Variants in MALRD1 observed in about 807,000 individuals in gnomAD.
MALRD1 encodes the protein MAM and LDL receptor class A domain containing 1.
In MALRD1, 247 loss-of-function variants were observed where a neutral mutation model predicts 242.1. The observed-to-expected ratio is 1.02, with a 90% CI of 0.92 to 1.13. The LOEUF (loss-of-function observed/expected upper bound fraction) is 1.13, where lower values mean the gene tolerates loss of function less well. Among genes scored for constraint, MALRD1 ranks in the 50% most tolerant of loss-of-function variants. The pLI is 0.00. For missense variants in MALRD1, 2,989 were observed against 2,533.1 expected, an observed-to-expected ratio of 1.18 and a Z score of -3.86; for synonymous variants, 995 against 866.6, an observed-to-expected ratio of 1.15 and a Z score of -2.60.
rs1197183267 is a variant in MALRD1 at position 19,520,488 on chromosome 10, CT to C, written c.5321-10705del. ...TTAACTTTTTAGAAATACAAGTATT[CT>C]ACTCCAAACATACAATACCATCAAA... On this transcript the variant is annotated intron_variant, in intron 31 of 39. Coordinates refer to ENST00000454679, the MANE Select transcript of MALRD1 (RefSeq NM_001142308.3). 4.6e-5 allele frequency among the ~76,000 whole-genome samples: 7 copies of C among 152,120 alleles called. 1 individual carries two copies. Among genetic ancestry groups the C allele is most frequent in the Non-Finnish European group, 1.5e-5 (1 of 68,006 alleles).
intron 29 of MALRD1, among the ~76,000 whole-genome samples, chr10:19,479,160 A>G (rs1393670559): frequency 6.6e-6 from 1 of 152,236 alleles, no homozygotes; most frequent in African/African-American, 2.4e-5. Context: ...TGATTATAAT[A>G]CAGTTTCTTC....
At chr10:19,369,871 T>C (rs1369527322) in intron 26 of MALRD1, among the ~76,000 whole-genome samples, 1 of 152,026 alleles carries the variant, frequency 6.6e-6, no homozygotes, top group Non-Finnish European at 1.5e-5. Context: ...CTATTTATTT[T>C]CTTAATTGTG....
chr10:19,376,028 AGG>A (rs1216893611), intron 26 of MALRD1, among the ~76,000 whole-genome samples: 2 of 152,142 alleles, frequency 1.3e-5, no homozygotes, highest in African/African-American at 4.8e-5. Context: ...AGGCTGAGGC[AGG>A]GGAATTGGTT....
At chr10:19,426,104 A>G (rs1307910921) in intron 28 of MALRD1, among the ~76,000 whole-genome samples, 1 of 152,196 alleles carries the variant, frequency 6.6e-6, no homozygotes, top group Non-Finnish European at 1.5e-5. Context: ...ATATGAATAT[A>G]TATCAGCAAA....
rs115207628 is a variant in MALRD1 at position 19,331,279 on chromosome 10, A to T, written c.3688-90A>T. 8,788 of 1,069,432 alleles carry T rather than the reference A, an allele frequency of 8.2e-3. 212 individuals carry two copies. Among genetic ancestry groups the T allele is most frequent in the African/African-American group, 0.066 (4,113 of 62,330 alleles). The allele number at this position is 1,069,432 out of a possible 1,614,324, so 66.2% of individuals were successfully genotyped here. A position where few individuals can be genotyped will look rare whatever the true frequency, so the allele number is the denominator to read the frequency against. ...CAAAAAAACAAACAACAAAAAACAG[A>T]TTCACGATTGATGTGCTTGATACTT... On this transcript the variant is annotated intron_variant, in intron 23 of 39. Coordinates refer to ENST00000454679, the MANE Select transcript of MALRD1 (RefSeq NM_001142308.3).
intron 1 of MALRD1, among the ~76,000 whole-genome samples, chr10:19,059,553 A>T (rs1464394768): frequency 6.6e-6 from 1 of 151,744 alleles, no homozygotes; most frequent in Non-Finnish European, 1.5e-5. Context: ...TACGCATCTA[A>T]TTTTTTTGTA....
At chr10:19,568,587 C>T (rs1453199613) in intron 33 of MALRD1, among the ~76,000 whole-genome samples, 1 of 152,072 alleles carries the variant, frequency 6.6e-6, no homozygotes, top group Non-Finnish European at 1.5e-5. Flanking sequence ...AGGGCCTGAG[C>T]ATCCCCTTTG....
intron 21 of MALRD1, among the ~76,000 whole-genome samples, chr10:19,309,443 G>T (rs1427187769): frequency 6.6e-6 from 1 of 151,270 alleles, no homozygotes; most frequent in Non-Finnish European, 1.5e-5. Context: ...TATATATAGG[G>T]TTCTCTACAG....
chr10:19,588,073 A>G (rs908766054), intron 33 of MALRD1, among the ~76,000 whole-genome samples: 2 of 152,124 alleles, frequency 1.3e-5, no homozygotes, highest in African/African-American at 4.8e-5. Flanking sequence ...CAATTGGTAA[A>G]GACCTGTAGG....
intron 31 of MALRD1, among the ~76,000 whole-genome samples, chr10:19,512,253 A>G (rs1833437424): frequency 6.6e-6 from 1 of 152,158 alleles, no homozygotes; most frequent in South Asian, 2.1e-4. Flanking sequence ...AATACATTAA[A>G]GCTTGGCAAT....
At chr10:19,461,350 C>T (rs3852453) in intron 29 of MALRD1, among the ~76,000 whole-genome samples, 123,859 of 152,042 alleles carry the variant, frequency 0.81, 50,641 homozygotes, top group East Asian at 1. Context: ...ACCAAGTGTG[C>T]TTGGAGTTTT....
In MALRD1 at chr10:19,734,213, G is replaced by A. The variant is rs1407307830; in HGVS notation, c.6447G>A (p.Glu2149=). 1 of 1,535,922 alleles carries A rather than the reference G, an allele frequency of 6.5e-7. No homozygotes were observed. The highest frequency in any genetic ancestry group is 2.4e-5 in the East Asian group (1 of 40,886). ...ATGGCACAACATCAGGAAGCCTGGA[G>A]ACCCTGTCACATCATCTCAAATAGC... The part of the protein sequence containing the change: ...PLYGTTSGSL[E]TLSHHLK The change falls in exon 40 of 40, where the codon GAG becomes GAA. Residue 2149 remains glutamate (E), a synonymous_variant. Coordinates refer to ENST00000454679, the MANE Select transcript of MALRD1 (RefSeq NM_001142308.3).
chr10:19,260,953 A>G (rs555029092), intron 19 of MALRD1, among the ~76,000 whole-genome samples: 1 of 152,176 alleles, frequency 6.6e-6, no homozygotes, highest in Non-Finnish European at 1.5e-5. Flanking sequence ...AGTAGTGTGG[A>G]TGAGAATACA....
intron 19 of MALRD1, among the ~76,000 whole-genome samples, chr10:19,259,366 C>T (rs12354653): frequency 0.12 from 18,537 of 152,024 alleles, 1,479 homozygotes; most frequent in Admixed American, 0.26. Context: ...AAGACATACC[C>T]GAGCCTGGGT....
intron 26 of MALRD1, among the ~76,000 whole-genome samples, chr10:19,363,775 C>A (rs1844996955): frequency 6.6e-6 from 1 of 152,008 alleles, no homozygotes; most frequent in Non-Finnish European, 1.5e-5. Flanking sequence ...GTGAGAAGAG[C>A]CAGAATATAG....
chr10:19,680,464 G>T (rs1279941349), intron 36 of MALRD1, among the ~76,000 whole-genome samples: 1 of 151,962 alleles, frequency 6.6e-6, no homozygotes, highest in African/African-American at 2.4e-5. Flanking sequence ...TGCAACCCCT[G>T]CTTTTGTCTG....
At chr10:19,211,425 G>T (rs111763910) in intron 18 of MALRD1, among the ~76,000 whole-genome samples, 1 of 151,956 alleles carries the variant, frequency 6.6e-6, no homozygotes, top group Admixed American at 6.6e-5. Context: ...GCCTGAAAGG[G>T]GGCTCACACC....
At chr10:19,730,861 G>T (rs1431174271) in intron 39 of MALRD1, 80 bp downstream of exon 39, 7 of 1,272,028 alleles carry the variant, frequency 5.5e-6, no homozygotes, top group Non-Finnish European at 6.5e-6. Flanking sequence ...GGCTGAACCA[G>T]TGTTGCTTGA....
In MALRD1 at chr10:19,066,777, G is replaced by A; in HGVS notation, c.258G>A (p.Gln86=). ...GTCTCTGTCATATGACTCAAGATCA[G>A]AGTCTGCAACCTAGTTGGACAAAGA... ...EDGLCHMTQD[Q]SLQPSWTKRS... Residue 86 remains glutamine (Q), a synonymous_variant, in exon 2 of 40, where the codon CAG becomes CAA. Coordinates refer to ENST00000454679, the MANE Select transcript of MALRD1 (RefSeq NM_001142308.3). The A allele has an allele frequency of 8.1e-7, 1 of 1,233,598 alleles. No homozygotes were observed. Among genetic ancestry groups the A allele is most frequent in the Non-Finnish European group, 1.0e-6 (1 of 987,928 alleles). The allele number at this position is 1,233,598 out of a possible 1,614,324, so 76.4% of individuals were successfully genotyped here.
Sources: gnomAD v4.1 joint callset for allele counts (sites outside exome capture counted in the v4.1 genomes callset) on GRCh38, gnomAD v4.1.1 for gene constraint, MANE v1.5 for transcripts, NCBI Gene and HGNC (gene_info 2026-07-23, HGNC 2026-07-21) for gene names.